Variants in DPP10 observed in about 807,000 individuals in gnomAD.
The protein encoded by DPP10 is dipeptidyl peptidase like 10.
DPP10 carries 33 observed loss-of-function variants against 120.9 expected under a neutral mutation model. That is an observed-to-expected ratio of 0.27 (90% CI 0.21 to 0.37). The LOEUF is 0.37. DPP10 is among the 10% of genes least tolerant of loss of function. The pLI, the probability that DPP10 is intolerant of heterozygous loss-of-function variation, is 1.00. For synonymous variants in DPP10, 337 were observed against 326.1 expected, an observed-to-expected ratio of 1.03 and a Z score of -0.36; for missense variants, 816 against 942.8, an observed-to-expected ratio of 0.87 and a Z score of 1.76.
chr2:115,516,454 AG>A (rs1486105645), intron 4 of DPP10, among the ~76,000 whole-genome samples: 3 of 148,308 alleles, frequency 2.0e-5, no homozygotes, highest in African/African-American at 7.3e-5. Flanking sequence ...ACAAATAAAC[AG>A]GAAACAGCAA....
At chr2:115,800,151 A>G (rs1299325891) in intron 19 of DPP10, among the ~76,000 whole-genome samples, 2 of 151,542 alleles carry the variant, frequency 1.3e-5, no homozygotes, top group East Asian at 3.9e-4. Context: ...ATGGTATCTC[A>G]TTGTGGTTTT....
chr2:115,791,705 A>G (rs943650086), intron 19 of DPP10, among the ~76,000 whole-genome samples: 6 of 152,182 alleles, frequency 3.9e-5, no homozygotes, highest in African/African-American at 1.4e-4. Flanking sequence ...TGCTAAAACA[A>G]TGGGTTATGT....
intron 1 of DPP10, among the ~76,000 whole-genome samples, chr2:114,702,157 G>T (rs906904304): frequency 6.6e-6 from 1 of 152,054 alleles, no homozygotes; most frequent in African/African-American, 2.4e-5. Context: ...GCCATGTATT[G>T]TATTTTTGTT....
intron 12 of DPP10, among the ~76,000 whole-genome samples, chr2:115,767,170 A>T (rs181692630): frequency 6.6e-6 from 1 of 152,268 alleles, no homozygotes; most frequent in East Asian, 1.9e-4. Flanking sequence ...TAAGAGGAAG[A>T]TCCAGACCAA....
intron 7 of DPP10, among the ~76,000 whole-genome samples, chr2:115,690,648 A>T (rs1010827687): frequency 6.6e-6 from 1 of 152,176 alleles, no homozygotes; most frequent in South Asian, 2.1e-4. Context: ...CCTGACCTCA[A>T]GCGATCCACC....
chr2:115,712,700 A>G (rs2092370604), intron 7 of DPP10, among the ~76,000 whole-genome samples: 1 of 150,502 alleles, frequency 6.6e-6, no homozygotes, highest in East Asian at 2.0e-4. Context: ...ACAAAACCAA[A>G]GTTATGTAGG....
intron 5 of DPP10, among the ~76,000 whole-genome samples, chr2:115,621,289 A>G (rs927097677): frequency 2.0e-5 from 3 of 152,304 alleles, no homozygotes; most frequent in Non-Finnish European, 4.4e-5. Flanking sequence ...AAGGATAAAT[A>G]CTGTAATTAT....
chr2:115,124,665 A>G (rs1559122411), intron 1 of DPP10, among the ~76,000 whole-genome samples: 2 of 152,200 alleles, frequency 1.3e-5, no homozygotes, highest in Admixed American at 6.5e-5. Context: ...ATTATAGCCA[A>G]TTAGTTACTT....
At chr2:114,451,150 A>G (rs1232500606) in intron 1 of DPP10, among the ~76,000 whole-genome samples, 8 of 151,876 alleles carry the variant, frequency 5.3e-5, no homozygotes, top group African/African-American at 1.9e-4. Flanking sequence ...CAAGGCAGGC[A>G]TTTTTGATCA....
intron 17 of DPP10, among the ~76,000 whole-genome samples, chr2:115,784,659 G>A (rs1451497779): frequency 5.9e-5 from 9 of 151,910 alleles, no homozygotes; most frequent in East Asian, 3.9e-4. Context: ...TCAGCCCCCC[G>A]AGTAGCTGGG....
intron 1 of DPP10, among the ~76,000 whole-genome samples, chr2:114,959,629 T>C (rs908687401): frequency 2.6e-5 from 4 of 152,230 alleles, no homozygotes; most frequent in African/African-American, 9.6e-5. Context: ...CTCTATTGTT[T>C]AACATGTTAA....
At chr2:115,841,876 C>T (rs1220637888) in intron 25 of DPP10, among the ~76,000 whole-genome samples, 2 of 152,052 alleles carry the variant, frequency 1.3e-5, no homozygotes, top group Admixed American at 6.5e-5. Context: ...ACTAAATACT[C>T]CTAAAAAGGG....
intron 5 of DPP10, among the ~76,000 whole-genome samples, chr2:115,633,420 A>G (rs1196079817): frequency 1.3e-5 from 2 of 152,070 alleles, no homozygotes; most frequent in Admixed American, 1.3e-4. Flanking sequence ...ATCACACACC[A>G]GGGTCTGTTG....
intron 1 of DPP10, among the ~76,000 whole-genome samples, chr2:115,241,551 T>C (rs1213960610): frequency 6.6e-6 from 1 of 152,192 alleles, no homozygotes; most frequent in Non-Finnish European, 1.5e-5. Flanking sequence ...AAATCAGTAA[T>C]AGCATATTGC....
intron 3 of DPP10, among the ~76,000 whole-genome samples, chr2:115,397,195 G>A (rs556269136): frequency 6.6e-6 from 1 of 152,184 alleles, no homozygotes; most frequent in South Asian, 2.1e-4. Flanking sequence ...AAGTCAAGAA[G>A]TAAAAGAAAA....
chr2:115,623,181 T>C (rs1157289234), intron 5 of DPP10, among the ~76,000 whole-genome samples: 3 of 152,134 alleles, frequency 2.0e-5, no homozygotes, highest in African/African-American at 7.2e-5. Flanking sequence ...GGTATTTTTG[T>C]GGTATGATGG....
chr2:114,687,566 G>C (rs1401157228), intron 1 of DPP10, among the ~76,000 whole-genome samples: 2 of 151,860 alleles, frequency 1.3e-5, no homozygotes, highest in Non-Finnish European at 2.9e-5. Flanking sequence ...TTCATGTTTT[G>C]CCCATTTCAC....
At chr2:115,481,573 G>T (rs76125553) in intron 3 of DPP10, among the ~76,000 whole-genome samples, 1 of 151,982 alleles carries the variant, frequency 6.6e-6, no homozygotes, top group Non-Finnish European at 1.5e-5. Context: ...AAATGAAGTC[G>T]TTGGACAAGA....
chr2:115,417,721 G>A (rs1186820235), intron 3 of DPP10, among the ~76,000 whole-genome samples: 3 of 152,262 alleles, frequency 2.0e-5, no homozygotes, highest in Non-Finnish European at 2.9e-5. Flanking sequence ...CTTTTCAACT[G>A]TATGCTGCCT....
Sources: allele counts gnomAD v4.1 joint callset (sites outside exome capture counted in the v4.1 genomes callset), GRCh38; gene constraint gnomAD v4.1.1; transcripts MANE v1.5; gene names NCBI Gene and HGNC (gene_info 2026-07-23, HGNC 2026-07-21).